Variants in C12orf42 observed in about 807,000 individuals in gnomAD.
The protein encoded by C12orf42 is uncharacterized protein C12orf42.
A neutral mutation model predicts 21.6 loss-of-function variants in C12orf42; 25 were observed. The ratio of observed to expected loss-of-function variants is 1.16; its 90% CI spans 0.84 to 1.62. The LOEUF (loss-of-function observed/expected upper bound fraction) is 1.62, where lower values mean the gene tolerates loss of function less well. Among genes scored for constraint, C12orf42 ranks in the 40% most tolerant of loss-of-function variants. The probability of loss-of-function intolerance (pLI) is 0.00; values close to 1 mark genes in which losing one functional copy is unlikely to be tolerated. For missense variants in C12orf42, 483 were observed against 459.3 expected, an observed-to-expected ratio of 1.05 and a Z score of -0.47; for synonymous variants, 174 against 175.0, an observed-to-expected ratio of 0.99 and a Z score of 0.05.
intron 4 of C12orf42, among the ~76,000 whole-genome samples, chr12:103,287,988 C>A (rs910578799): frequency 1.3e-5 from 2 of 152,190 alleles, no homozygotes; most frequent in African/African-American, 2.4e-5. Context: ...GACCATCAAG[C>A]CTTCTGCTCC....
chr12:103,277,044 A>T, intron 5 of C12orf42: 2 of 426,508 alleles, frequency 4.7e-6, no homozygotes, highest in Non-Finnish European at 4.6e-6. Flanking sequence ...AACACAGGAA[A>T]TTTTTTAAAG....
the C12orf42 span, among the ~76,000 whole-genome samples, chr12:103,511,145 C>T: frequency 2.0e-5 from 3 of 152,142 alleles, no homozygotes; most frequent in Non-Finnish European, 2.9e-5. Flanking sequence ...GAGAATTTCA[C>T]TTACCCAAGA....
chr12:103,549,852 C>T, the C12orf42 span, among the ~76,000 whole-genome samples: 12 of 152,150 alleles, frequency 7.9e-5, no homozygotes, highest in Non-Finnish European at 1.6e-4. Context: ...AGATGGCTGA[C>T]GAGGCCCTAA....
intron 1 of C12orf42, 121 bp from the exon 2 acceptor site, chr12:103,478,568 C>A: frequency 4.5e-6 from 2 of 446,776 alleles, no homozygotes; most frequent in Non-Finnish European, 7.7e-6. Context: ...TATTTCTTGC[C>A]AGTGACTTTC....
the C12orf42 span, among the ~76,000 whole-genome samples, chr12:103,547,015 T>C: frequency 1.3e-5 from 2 of 152,196 alleles, no homozygotes; most frequent in Non-Finnish European, 2.9e-5. Context: ...ATAAAAACAC[T>C]CAGACTTAAC....
At chr12:103,095,140 C>A in the C12orf42 span, among the ~76,000 whole-genome samples, 14 of 152,226 alleles carry the variant, frequency 9.2e-5, no homozygotes, top group South Asian at 2.9e-3. Flanking sequence ...TGGTAATAGC[C>A]CCCTGATTGG....
chr12:103,222,700 T>G, the C12orf42 span, among the ~76,000 whole-genome samples: 944 of 152,194 alleles, frequency 6.2e-3, 13 homozygotes, highest in African/African-American at 0.019. Context: ...TATACAAATG[T>G]AAATTTACAT....
At chr12:103,456,458 G>A (rs1202676524) in intron 2 of C12orf42, among the ~76,000 whole-genome samples, 1 of 152,044 alleles carries the variant, frequency 6.6e-6, no homozygotes, top group African/African-American at 2.4e-5. Context: ...AAGTAAAACT[G>A]GCTTCTCAAA....
intron 5 of C12orf42, 121 bp from the exon 6 acceptor site, chr12:103,302,680 G>GAAGA: frequency 2.1e-6 from 1 of 467,720 alleles, no homozygotes; most frequent in East Asian, 3.6e-5. Flanking sequence ...AGAGGGGAAA[G>GAAGA]AAAAAAAAAA....
the C12orf42 span, among the ~76,000 whole-genome samples, chr12:103,109,354 C>T: frequency 7.9e-5 from 12 of 151,774 alleles, 1 homozygote; most frequent in Admixed American, 2.6e-4. Flanking sequence ...CACGGGTGTG[C>T]GTGTGTGTGT....
the C12orf42 span, among the ~76,000 whole-genome samples, chr12:103,108,442 CTATGTGTG>C: frequency 3.9e-5 from 6 of 151,962 alleles, no homozygotes; most frequent in Admixed American, 6.6e-5. Context: ...AACCCATCTC[CTATGTGTG>C]TATGTGTGTG....
At chr12:103,448,367 C>T (rs985606313) in intron 2 of C12orf42, among the ~76,000 whole-genome samples, 6 of 152,046 alleles carry the variant, frequency 3.9e-5, no homozygotes, top group Non-Finnish European at 1.5e-5. Flanking sequence ...AAAAATCCTT[C>T]TAGACATTGG....
At chr12:103,525,126 C>T in the C12orf42 span, among the ~76,000 whole-genome samples, 2 of 152,182 alleles carry the variant, frequency 1.3e-5, no homozygotes, top group South Asian at 4.2e-4. Context: ...CACGTGATCC[C>T]CCTGCCTCAG....
intron 4 of C12orf42, among the ~76,000 whole-genome samples, chr12:103,349,581 A>T (rs2042932814): frequency 6.6e-6 from 1 of 152,176 alleles, no homozygotes. Context: ...TTTACTTTTC[A>T]TCTCTTTTTT....
the C12orf42 span, among the ~76,000 whole-genome samples, chr12:103,066,048 C>A: frequency 6.6e-6 from 1 of 152,172 alleles, no homozygotes; most frequent in African/African-American, 2.4e-5. Context: ...TTGGCAGGCC[C>A]CCCTAGGTGA....
chr12:103,239,626 T>G (rs1176531164), intron 10 of C12orf42, among the ~76,000 whole-genome samples: 1 of 152,246 alleles, frequency 6.6e-6, no homozygotes, highest in Non-Finnish European at 1.5e-5. Flanking sequence ...CATAGGTGGT[T>G]AGCTTGTTAA....
chr12:103,350,365 C>T lies in C12orf42; in HGVS notation c.259+18522G>A, dbSNP rs115111688. ...GCTGCACATGCAACCTGCCCACTAG[C>T]CACTTCCTAGTCGTCTTGGTTATCA... is the stretch of plus-strand genomic sequence containing the variant. On this transcript the variant is annotated intron_variant, in intron 4 of 5. Coordinates refer to ENST00000548883, the MANE Select transcript of C12orf42 (RefSeq NM_198521.5). 3.3e-3 allele frequency among the ~76,000 whole-genome samples: 509 copies of T among 152,302 alleles called. 6 individuals are homozygous for T. Among genetic ancestry groups the T allele is most frequent in the African/African-American group, 0.012 (489 of 41,566 alleles).
the C12orf42 span, among the ~76,000 whole-genome samples, chr12:103,120,249 C>A: frequency 6.6e-6 from 1 of 152,106 alleles, no homozygotes; most frequent in African/African-American, 2.4e-5. Flanking sequence ...AATAGAAGCC[C>A]ATATAAGACA....
rs183574387 is a variant in C12orf42, at chr12:103,240,862, C to G, written c.*1367-2960G>C. On this transcript the variant is annotated intron_variant and NMD_transcript_variant, in intron 10 of 10. Coordinates refer to the C12orf42 transcript ENST00000547347. ...GACTGTGGCTTTCTTGACTCTGTAT[C>G]CTAAGCACTTAATATAATATTTAAA... is the stretch of plus-strand genomic sequence containing the variant. 1.5e-3 allele frequency among the ~76,000 whole-genome samples: 221 copies of G among 152,112 alleles called. 1 individual carries two copies. The highest frequency in any genetic ancestry group is 4.9e-3 in the African/African-American group (204 of 41,500).
Sources: allele counts gnomAD v4.1 joint callset (sites outside exome capture counted in the v4.1 genomes callset), GRCh38; gene constraint gnomAD v4.1.1; transcripts MANE v1.5; gene names NCBI Gene and HGNC (gene_info 2026-07-23, HGNC 2026-07-21).